RUFY2: variants seen among roughly 807,000 people sequenced by gnomAD.
RUFY2 encodes RUN and FYVE domain containing 2.
In RUFY2, 49 loss-of-function variants were observed where a neutral mutation model predicts 94.4. The observed-to-expected ratio is 0.52, with a 90% CI of 0.41 to 0.66. The LOEUF (loss-of-function observed/expected upper bound fraction) is 0.66. Ranked by LOEUF, RUFY2 falls within the 30% of genes least tolerant of loss-of-function variation. The probability of loss-of-function intolerance (pLI) is 0.00; values close to 1 mark genes in which losing one functional copy is unlikely to be tolerated. For missense variants in RUFY2, 541 were observed against 692.8 expected (o/e 0.78, Z 2.46); for synonymous variants, 255 against 235.7 (o/e 1.08, Z -0.75).
Position 68,401,719 on chromosome 10 carries a change from C to T in RUFY2, c.197G>A (p.Ser66Asn). 3.7e-6 allele frequency: 6 copies of T among 1,611,408 alleles called. No individual in the cohort carries two copies. Among genetic ancestry groups the T allele is most frequent in the Non-Finnish European group, 5.1e-6 (6 of 1,177,628 alleles). Residue 66 changes from serine to asparagine, a missense_variant, in exon 3 of 18, where the codon AGT becomes AAT. Physicochemically the swap from Ser to Asn is conservative, Grantham distance 46 (BLOSUM62 1). Transcript: ENST00000602465. ...AGGGCCCCAGATGGTTTTGTTGTAA[C>T]TCAAAAATGATTTTCTTACTGAAAA... The part of the protein sequence containing the change: ...HGLKVRKSFL[S>N]YNKTIWGPLE...
Position 68,345,536 on chromosome 10 carries a change from C to T in RUFY2, c.*232G>A, listed in dbSNP as rs1469493975. 2.1e-6 allele frequency: 1 copy of T among 475,750 alleles called. No homozygotes were observed. The highest frequency in any genetic ancestry group is 4.5e-5 in the South Asian group (1 of 22,014). The allele number at this position is 475,750 out of a possible 1,614,324, so 29.5% of individuals were successfully genotyped here. A position where few individuals can be genotyped will look rare whatever the true frequency, so the allele number is the denominator to read the frequency against. Reference sequence around the variant, plus strand: ...AGTTGTGTTAGCTCTGCTCTCTGGCCTTTTAATGAGTTACATGATTTTTAA... The same window carrying T: ...AGTTGTGTTAGCTCTGCTCTCTGGCTTTTTAATGAGTTACATGATTTTTAA... On this transcript the variant is annotated 3_prime_UTR_variant, in exon 18 of 18. Coordinates refer to ENST00000602465, the MANE Select transcript of RUFY2 (RefSeq NM_001330103.2).
chr10:68,401,783 T>A, intron 2 of RUFY2, 46 bp from the exon 3 acceptor site: 1 of 1,057,166 alleles, frequency 9.5e-7, no homozygotes, highest in Middle Eastern at 2.0e-4. Flanking sequence ...CATAAAAAAC[T>A]GTAGTAACTT....
chr10:68,360,030 T>C (rs2047351325), intron 15 of RUFY2, among the ~76,000 whole-genome samples: 2 of 152,168 alleles, frequency 1.3e-5, no homozygotes, highest in South Asian at 4.1e-4. Context: ...TTCACCACGT[T>C]GGCCAGGCTG....
In RUFY2 at chr10:68,384,043, A is replaced by C. The variant is rs544396718; in HGVS notation, c.822+8T>G. 1.2e-6 allele frequency: 2 copies of C among 1,609,214 alleles called. No individual in the cohort carries two copies. Among genetic ancestry groups the C allele is most frequent in the Non-Finnish European group, 1.7e-6 (2 of 1,176,502 alleles). On this transcript the variant is annotated splice_region_variant and intron_variant, in intron 9 of 17. Coordinates refer to ENST00000602465, the MANE Select transcript of RUFY2 (RefSeq NM_001330103.2). Reference sequence around the variant, plus strand: ...GAGATTGTCTGCTTGAAAGCAGTCTATACTTACCTCTAGGTGCTGCTGTGT... The same window carrying C: ...GAGATTGTCTGCTTGAAAGCAGTCTCTACTTACCTCTAGGTGCTGCTGTGT...
chr10:68,375,164 G>A (rs555290577), intron 13 of RUFY2, among the ~76,000 whole-genome samples: 39 of 151,956 alleles, frequency 2.6e-4, no homozygotes, highest in Middle Eastern at 6.8e-3. Context: ...GAGTTGAGAC[G>A]GGAGAATCAC....
intron 13 of RUFY2, among the ~76,000 whole-genome samples, chr10:68,376,489 T>TATATATATATATATACATATATATATTC (rs58358117): frequency 1.9e-5 from 1 of 51,814 alleles, no homozygotes; most frequent in African/African-American, 5.7e-5. Flanking sequence ...TATATATATA[T>TATATATATATATATACATATATATATTC]ATTCTCAGAA....
At chr10:68,371,472 G>A (rs2132609416) in intron 13 of RUFY2, among the ~76,000 whole-genome samples, 1 of 151,320 alleles carries the variant, frequency 6.6e-6, no homozygotes, top group Non-Finnish European at 1.5e-5. Context: ...CACGCCTGTA[G>A]TTCTAGCTAC....
chr10:68,401,205 A>G (rs2050821163), intron 3 of RUFY2, among the ~76,000 whole-genome samples: 1 of 152,226 alleles, frequency 6.6e-6, no homozygotes, highest in Non-Finnish European at 1.5e-5. Context: ...CACCAGTCCT[A>G]GGGTATACAA....
intron 2 of RUFY2, among the ~76,000 whole-genome samples, chr10:68,401,947 A>G (rs1009268407): frequency 9.9e-5 from 15 of 152,188 alleles, no homozygotes; most frequent in African/African-American, 3.6e-4. Flanking sequence ...TGATAAAAAG[A>G]CACAGTGACC....
chr10:68,385,835 G>A (rs141386889), intron 8 of RUFY2, among the ~76,000 whole-genome samples: 1 of 152,176 alleles, frequency 6.6e-6, no homozygotes, highest in East Asian at 1.9e-4. Flanking sequence ...TAGAAGCTGA[G>A]TATCTCAAAT....
chr10:68,392,134 T>A (rs184317567), intron 7 of RUFY2, among the ~76,000 whole-genome samples: 1 of 151,558 alleles, frequency 6.6e-6, no homozygotes, highest in Admixed American at 6.6e-5. Flanking sequence ...TGGGTTCAAG[T>A]GATTCTCCTG....
chr10:68,360,159 G>A (rs1422070901), intron 15 of RUFY2, among the ~76,000 whole-genome samples: 1 of 152,082 alleles, frequency 6.6e-6, no homozygotes, highest in Admixed American at 6.6e-5. Flanking sequence ...TTCAGGCCAG[G>A]TGTGGTGGCT....
chr10:68,386,596 C>A (rs1477568886), intron 7 of RUFY2, among the ~76,000 whole-genome samples: 3 of 152,308 alleles, frequency 2.0e-5, no homozygotes, highest in African/African-American at 7.2e-5. Flanking sequence ...GACCCACCCA[C>A]CTCAGCCTCC....
chr10:68,397,734 C>T (rs1447497455), intron 3 of RUFY2, among the ~76,000 whole-genome samples: 8 of 151,228 alleles, frequency 5.3e-5, no homozygotes, highest in Non-Finnish European at 5.9e-5. Context: ...ACAGTGATTG[C>T]ATCACTGTAC....
At chr10:68,406,723 G>A (rs779065058) in intron 1 of RUFY2, 10 of 1,579,736 alleles carry the variant, frequency 6.3e-6, no homozygotes, top group South Asian at 1.2e-5. Context: ...AGAGGCCTGG[G>A]GGCCCCCCAG....
intron 11 of RUFY2, among the ~76,000 whole-genome samples, chr10:68,380,968 T>C (rs2049019168): frequency 6.6e-6 from 1 of 152,210 alleles, no homozygotes; most frequent in Non-Finnish European, 1.5e-5. Flanking sequence ...CAAAAACGTT[T>C]TGCAGTTTAA....
intron 1 of RUFY2, among the ~76,000 whole-genome samples, chr10:68,405,971 C>T (rs1368424389): frequency 6.6e-6 from 1 of 152,188 alleles, no homozygotes; most frequent in East Asian, 1.9e-4. Context: ...TGTCCTCCTT[C>T]CCGCAAATTT....
At position 68,401,637 on chromosome 10, in the gene RUFY2, C is replaced by G; in HGVS notation, c.279G>C (p.Arg93=). 1 of 1,611,828 alleles carries G rather than the reference C, an allele frequency of 6.2e-7. No homozygotes were observed. The highest frequency in any genetic ancestry group is 8.5e-7 in the Non-Finnish European group (1 of 1,177,974). ...PEAEEIGASV[R]DLPGLKTPLG... Reference sequence around the variant, plus strand: ...CTCCTTACTTCAGACCAGGTAGATCCCGGACACTAGCTCCTATTTCCTCTG... The same window carrying G: ...CTCCTTACTTCAGACCAGGTAGATCGCGGACACTAGCTCCTATTTCCTCTG... The change falls in exon 3 of 18, where the codon CGG becomes CGC. Residue 93 remains arginine, a synonymous_variant. Transcript: ENST00000602465.
intron 16 of RUFY2, among the ~76,000 whole-genome samples, chr10:68,349,079 A>G (rs1322029071): frequency 6.6e-6 from 1 of 152,214 alleles, no homozygotes; most frequent in Non-Finnish European, 1.5e-5. Flanking sequence ...ATAGTTCACT[A>G]ATCATAGCAG....
Sources: gnomAD v4.1 joint callset for allele counts (sites outside exome capture counted in the v4.1 genomes callset) on GRCh38, gnomAD v4.1.1 for gene constraint, MANE v1.5 for transcripts, NCBI Gene and HGNC (gene_info 2026-07-23, HGNC 2026-07-21) for gene names.